Variants in PRKG1 observed in about 807,000 individuals in gnomAD.
The protein encoded by PRKG1 is cGMP-dependent protein kinase 1.
Under a neutral mutation model 88.1 loss-of-function variants are expected in PRKG1, and 35 were observed. The ratio of observed to expected loss-of-function variants is 0.40; its 90% CI spans 0.30 to 0.53. The LOEUF is 0.53. PRKG1 is among the 20% of genes least tolerant of loss of function. The pLI is 0.59. For synonymous variants in PRKG1, 303 were observed against 292.5 expected (o/e 1.04, Z -0.37); for missense variants, 540 against 839.8 (o/e 0.64, Z 4.41).
intron 1 of PRKG1, among the ~76,000 whole-genome samples, chr10:51,152,697 A>AT (rs1399961570): frequency 2.6e-5 from 4 of 151,870 alleles, no homozygotes; most frequent in Non-Finnish European, 4.4e-5. Flanking sequence ...ATAAGTAAAC[A>AT]TTTTTTTCTA....
intron 10 of PRKG1, among the ~76,000 whole-genome samples, chr10:52,260,705 A>AT (rs1841412684): frequency 7.9e-6 from 1 of 126,600 alleles, no homozygotes; most frequent in South Asian, 3.0e-4. Context: ...GATGAAAAAT[A>AT]TTTGATTAGT....
intron 2 of PRKG1, among the ~76,000 whole-genome samples, chr10:51,383,321 G>A (rs187494020): frequency 3.6e-3 from 544 of 152,142 alleles, no homozygotes; most frequent in African/African-American, 0.012. Flanking sequence ...AGAAGAAAGA[G>A]AAGGAGGGAA....
intron 3 of PRKG1, among the ~76,000 whole-genome samples, chr10:51,676,376 A>T (rs1449367538): frequency 6.6e-6 from 1 of 151,558 alleles, no homozygotes; most frequent in African/African-American, 2.4e-5. Flanking sequence ...AAACCAAACA[A>T]TCCTTCATCT....
At chr10:51,821,612 A>C (rs1839747585) in intron 4 of PRKG1, among the ~76,000 whole-genome samples, 1 of 152,092 alleles carries the variant, frequency 6.6e-6, no homozygotes, top group Admixed American at 6.6e-5. Flanking sequence ...TATTTTTAGC[A>C]CGTTGACCTA....
At chr10:51,035,101 C>T (rs541280635) in intron 1 of PRKG1, among the ~76,000 whole-genome samples, 2 of 152,164 alleles carry the variant, frequency 1.3e-5, no homozygotes, top group South Asian at 2.1e-4. Context: ...AAAGTATACA[C>T]GGTCATGGGG....
rs1839984662 is a variant in PRKG1 at position 51,469,272 on chromosome 10, GATGATATCTC to G, written c.592+1438_592+1447del. Among the ~76,000 whole-genome samples, 5 of 151,852 alleles carry G rather than the reference GATGATATCTC, an allele frequency of 3.3e-5. No individual in the cohort carries two copies. The South Asian group carries it at 1.0e-3, about 32-fold the overall frequency. On this transcript the variant is annotated intron_variant, in intron 3 of 17. Transcript: ENST00000373980. ...AAAAAAGACCAGAATAGCATATTTT[GATGATATCTC>G]AGTATTATAAGTATTTTTTTGTTTT...
chr10:51,682,932 C>T (rs1027190885), intron 3 of PRKG1, among the ~76,000 whole-genome samples: 1 of 152,198 alleles, frequency 6.6e-6, no homozygotes, highest in African/African-American at 2.4e-5. Flanking sequence ...AAAACTCTCT[C>T]TTCTACCTCT....
intron 1 of PRKG1, among the ~76,000 whole-genome samples, chr10:51,120,861 G>C (rs962755518): frequency 3.3e-5 from 5 of 152,070 alleles, no homozygotes; most frequent in Admixed American, 1.3e-4. Flanking sequence ...AGCAACGGTA[G>C]GAATAAAAAT....
intron 1 of PRKG1, among the ~76,000 whole-genome samples, chr10:51,026,499 T>A (rs1029533489): frequency 2.0e-5 from 3 of 152,160 alleles, no homozygotes; most frequent in African/African-American, 7.2e-5. Flanking sequence ...CACTTTAGAA[T>A]GCAAGGGTTC....
At position 52,280,813 on chromosome 10, in the gene PRKG1, C is replaced by A. The variant is rs374020671; in HGVS notation, c.1428C>A (p.Thr476=). 1 of 1,612,960 alleles carries A rather than the reference C, an allele frequency of 6.2e-7. No homozygotes were observed. The highest frequency in any genetic ancestry group is 8.5e-7 in the Non-Finnish European group (1 of 1,179,424). The change falls in exon 13 of 18, where the codon ACC becomes ACA. Residue 476 remains threonine (T), a synonymous_variant. Coordinates refer to ENST00000373980, the MANE Select transcript of PRKG1 (RefSeq NM_006258.4). The part of the protein sequence containing the change: ...RDRGSFEDST[T]RFYTACVVEA... ...GAGGTTCGTTTGAAGATTCTACAAC[C>A]AGATTTTACACAGCATGTGTGGTAG...
intron 9 of PRKG1, among the ~76,000 whole-genome samples, chr10:52,176,140 A>G (rs575478735): frequency 5.4e-4 from 72 of 133,670 alleles, no homozygotes; most frequent in African/African-American, 2.0e-3. Flanking sequence ...TTACATTTCG[A>G]TCTTTGATCG....
At chr10:51,091,501 C>T (rs1056164295) in intron 1 of PRKG1, among the ~76,000 whole-genome samples, 1 of 152,136 alleles carries the variant, frequency 6.6e-6, no homozygotes, top group Non-Finnish European at 1.5e-5. Flanking sequence ...ACTTGAATGA[C>T]TATGTGACAC....
At chr10:51,282,872 G>A (rs1470282538) in intron 2 of PRKG1, among the ~76,000 whole-genome samples, 2 of 151,890 alleles carry the variant, frequency 1.3e-5, no homozygotes, top group African/African-American at 4.8e-5. Context: ...TTTTATTTTA[G>A]ATTTGGGGGG....
At chr10:50,998,220 G>A (rs1271855533) in intron 1 of PRKG1, among the ~76,000 whole-genome samples, 1 of 152,114 alleles carries the variant, frequency 6.6e-6, no homozygotes, top group Non-Finnish European at 1.5e-5. Flanking sequence ...ATCTGCCTGT[G>A]TTGTGTGTCC....
chr10:51,490,320 CACTT>C (rs1438388300), intron 3 of PRKG1, among the ~76,000 whole-genome samples: 6 of 152,180 alleles, frequency 3.9e-5, no homozygotes, highest in African/African-American at 7.2e-5. Flanking sequence ...TATAGGTAAA[CACTT>C]ATTTATTACA....
intron 1 of PRKG1, among the ~76,000 whole-genome samples, chr10:51,115,819 G>A (rs986496201): frequency 1.3e-4 from 18 of 139,456 alleles, no homozygotes; most frequent in African/African-American, 4.5e-4. Context: ...CTGGATGACA[G>A]AGTGAGACTC....
intron 5 of PRKG1, among the ~76,000 whole-genome samples, chr10:51,963,079 T>G (rs895983679): frequency 6.6e-6 from 1 of 152,100 alleles, no homozygotes; most frequent in Non-Finnish European, 1.5e-5. Context: ...GCACAAACTT[T>G]TTTTTTGCAA....
At chr10:51,303,144 C>T (rs1189817086) in intron 2 of PRKG1, among the ~76,000 whole-genome samples, 1 of 152,126 alleles carries the variant, frequency 6.6e-6, no homozygotes, top group Non-Finnish European at 1.5e-5. Context: ...AGCTATTCCA[C>T]AAGGGACATA....
chr10:51,845,025 AT>A (rs370579536), intron 4 of PRKG1, among the ~76,000 whole-genome samples: 4 of 152,054 alleles, frequency 2.6e-5, no homozygotes, highest in African/African-American at 9.7e-5. Context: ...GTTAATGTAG[AT>A]GTGAAAAAAT....
Sources: allele counts gnomAD v4.1 joint callset (sites outside exome capture counted in the v4.1 genomes callset), GRCh38; gene constraint gnomAD v4.1.1; transcripts MANE v1.5; gene names NCBI Gene and HGNC (gene_info 2026-07-23, HGNC 2026-07-21).